Variants in SPIDR observed in about 807,000 individuals in gnomAD.
SPIDR encodes scaffold protein involved in DNA repair, also known as DNA repair-scaffolding protein.
Under a neutral mutation model 104.6 loss-of-function variants are expected in SPIDR, and 93 were observed. The observed-to-expected ratio is 0.89, with a 90% CI of 0.75 to 1.06. The LOEUF (loss-of-function observed/expected upper bound fraction) is 1.06. Ranked by LOEUF, SPIDR falls within the 50% of genes least tolerant of loss-of-function variation. The pLI, the probability that SPIDR is intolerant of heterozygous loss-of-function variation, is 0.00. For synonymous variants in SPIDR, 431 were observed against 416.9 expected (o/e 1.03, Z -0.41); for missense variants, 1,154 against 1,111.2 (o/e 1.04, Z -0.55).
At chr8:47,490,114 G>T (rs1467688127) in intron 8 of SPIDR, among the ~76,000 whole-genome samples, 2 of 152,156 alleles carry the variant, frequency 1.3e-5, no homozygotes, top group East Asian at 3.8e-4. Flanking sequence ...CTGAAAAAGG[G>T]CTAATATCCA....
At chr8:47,299,378 C>G (rs1370837071) in intron 5 of SPIDR, among the ~76,000 whole-genome samples, 1 of 152,158 alleles carries the variant, frequency 6.6e-6, no homozygotes, top group African/African-American at 2.4e-5. Flanking sequence ...TCTAGATATA[C>G]AATCATGTCA....
chr8:47,606,003 A>G (rs2062893724), intron 10 of SPIDR, among the ~76,000 whole-genome samples: 1 of 151,850 alleles, frequency 6.6e-6, no homozygotes, highest in Non-Finnish European at 1.5e-5. Flanking sequence ...CCCCACCTCT[A>G]CCCCTAGCAC....
intron 5 of SPIDR, among the ~76,000 whole-genome samples, chr8:47,312,244 A>C (rs1586767962): frequency 6.6e-6 from 1 of 152,232 alleles, no homozygotes; most frequent in African/African-American, 2.4e-5. Flanking sequence ...CAGTAATGGG[A>C]TGGCTGGGTC....
intron 9 of SPIDR, among the ~76,000 whole-genome samples, chr8:47,596,895 G>A (rs1358757812): frequency 6.6e-6 from 1 of 150,876 alleles, no homozygotes; most frequent in Non-Finnish European, 1.5e-5. Flanking sequence ...ATACACAATA[G>A]CCTAGATCTT....
chr8:47,479,496 G>T (rs1229446917), intron 8 of SPIDR, among the ~76,000 whole-genome samples: 1 of 152,192 alleles, frequency 6.6e-6, no homozygotes, highest in Non-Finnish European at 1.5e-5. Context: ...CTGTCTCAAG[G>T]TCATAAACAG....
intron 5 of SPIDR, among the ~76,000 whole-genome samples, chr8:47,312,232 C>T (rs2044324038): frequency 6.6e-6 from 1 of 152,124 alleles, no homozygotes; most frequent in African/African-American, 2.4e-5. Context: ...TGGGTATATA[C>T]CCAGTAATGG....
intron 5 of SPIDR, among the ~76,000 whole-genome samples, chr8:47,304,991 GT>G (rs1161400920): frequency 6.6e-6 from 1 of 152,204 alleles, no homozygotes; most frequent in Non-Finnish European, 1.5e-5. Flanking sequence ...CCATGGGAAG[GT>G]GTAGGACAAA....
chr8:47,485,516 G>A (rs1263531415), intron 8 of SPIDR, among the ~76,000 whole-genome samples: 1 of 152,192 alleles, frequency 6.6e-6, no homozygotes, highest in Non-Finnish European at 1.5e-5. Context: ...GGTTCTCCCA[G>A]CACAGAGTCT....
At chr8:47,283,278 G>A (rs1226824644) in intron 2 of SPIDR, among the ~76,000 whole-genome samples, 1 of 152,166 alleles carries the variant, frequency 6.6e-6, no homozygotes, top group Non-Finnish European at 1.5e-5. Context: ...GAGAATAGGA[G>A]GCCTAAGGAG....
intron 1 of SPIDR, among the ~76,000 whole-genome samples, chr8:47,270,432 TATAATG>T (rs2035056697): frequency 1.3e-5 from 2 of 152,112 alleles, no homozygotes; most frequent in African/African-American, 4.8e-5. Flanking sequence ...ATTATTTCCT[TATAATG>T]TTCTCTGTAA....
chr8:47,314,010 T>C (rs1173679336), intron 5 of SPIDR, among the ~76,000 whole-genome samples: 1 of 152,190 alleles, frequency 6.6e-6, no homozygotes, highest in Non-Finnish European at 1.5e-5. Flanking sequence ...GCACTGCAAT[T>C]GGTAAAAATG....
chr8:47,596,892 A>G (rs1281469599), intron 9 of SPIDR, among the ~76,000 whole-genome samples: 1 of 152,034 alleles, frequency 6.6e-6, no homozygotes, highest in Non-Finnish European at 1.5e-5. Context: ...AACATACACA[A>G]TAGCCTAGAT....
intron 8 of SPIDR, among the ~76,000 whole-genome samples, chr8:47,526,609 C>G (rs1186094178): frequency 6.6e-6 from 1 of 152,142 alleles, no homozygotes; most frequent in African/African-American, 2.4e-5. Context: ...GAAATGAAAC[C>G]GTTCAGGAGA....
At chr8:47,421,632 G>C (rs2065481427) in intron 7 of SPIDR, among the ~76,000 whole-genome samples, 1 of 152,192 alleles carries the variant, frequency 6.6e-6, no homozygotes, top group Non-Finnish European at 1.5e-5. Context: ...TCTCCATCCA[G>C]CTTTGTTCCG....
At chr8:47,462,478 G>A (rs1586116823) in intron 8 of SPIDR, among the ~76,000 whole-genome samples, 1 of 152,202 alleles carries the variant, frequency 6.6e-6, no homozygotes, top group Non-Finnish European at 1.5e-5. Context: ...CCTGCCTCCT[G>A]TCTATCATTT....
intron 10 of SPIDR, among the ~76,000 whole-genome samples, chr8:47,626,121 A>T (rs563747543): frequency 6.6e-6 from 1 of 152,328 alleles, no homozygotes; most frequent in Admixed American, 6.5e-5. Context: ...AAACCTGAGA[A>T]AAACAAGCAA....
chr8:47,634,705 G>C (rs887347871), intron 10 of SPIDR, among the ~76,000 whole-genome samples: 2 of 152,188 alleles, frequency 1.3e-5, no homozygotes, highest in African/African-American at 4.8e-5. Flanking sequence ...CCATGGCTGA[G>C]TGGGAGGGCG....
intron 1 of SPIDR, among the ~76,000 whole-genome samples, chr8:47,277,900 C>G (rs1029108459): frequency 6.6e-6 from 1 of 151,770 alleles, no homozygotes; most frequent in Non-Finnish European, 1.5e-5. Flanking sequence ...GGTCTTAACT[C>G]CTGACTTTGT....
At chr8:47,267,175 A>C (rs2034258453) in intron 1 of SPIDR, among the ~76,000 whole-genome samples, 1 of 152,146 alleles carries the variant, frequency 6.6e-6, no homozygotes, top group South Asian at 2.1e-4. Flanking sequence ...TGTTAAGAAT[A>C]ATGTTGCTTT....
Sources: gnomAD v4.1 joint callset for allele counts (sites outside exome capture counted in the v4.1 genomes callset) on GRCh38, gnomAD v4.1.1 for gene constraint, MANE v1.5 for transcripts, NCBI Gene and HGNC (gene_info 2026-07-23, HGNC 2026-07-21) for gene names.